Variants in UBXN2A observed in about 807,000 individuals in gnomAD.
UBXN2A encodes UBX domain protein 2A.
In UBXN2A, 28 loss-of-function variants were observed where a neutral mutation model predicts 28.4. That is an observed-to-expected ratio of 0.99 (90% confidence interval 0.73 to 1.35). The LOEUF (loss-of-function observed/expected upper bound fraction) is 1.35, where lower values mean the gene tolerates loss of function less well. Among genes scored for constraint, UBXN2A ranks in the 40% most tolerant of loss-of-function variants. The pLI is 0.00. For synonymous variants in UBXN2A, 97 were observed against 103.6 expected, an observed-to-expected ratio of 0.94 and a Z score of 0.39; for missense variants, 253 against 297.9, an observed-to-expected ratio of 0.85 and a Z score of 1.11.
chr2:23,968,344 A>G (rs894081673), intron 2 of UBXN2A, among the ~76,000 whole-genome samples: 6 of 152,192 alleles, frequency 3.9e-5, no homozygotes, highest in African/African-American at 1.2e-4. Flanking sequence ...GGTTAGGATC[A>G]CAGACTTGGG....
At chr2:23,972,193 A>T (rs1707450411) in intron 3 of UBXN2A, among the ~76,000 whole-genome samples, 1 of 152,230 alleles carries the variant, frequency 6.6e-6, no homozygotes, top group East Asian at 1.9e-4. Flanking sequence ...ACACCTTAGC[A>T]GGAATCAAGG....
intron 2 of UBXN2A, among the ~76,000 whole-genome samples, chr2:23,963,844 A>T (rs2150848668): frequency 6.6e-6 from 1 of 152,320 alleles, no homozygotes; most frequent in Non-Finnish European, 1.5e-5. Flanking sequence ...AGAATCTTGA[A>T]GAGACTGGGT....
chr2:23,992,945 T>A (rs1367907775), intron 6 of UBXN2A, among the ~76,000 whole-genome samples: 2 of 152,216 alleles, frequency 1.3e-5, no homozygotes, highest in Non-Finnish European at 2.9e-5. Context: ...TTTGTGGGGT[T>A]TTTTCCTCCT....
intron 3 of UBXN2A, among the ~76,000 whole-genome samples, chr2:23,972,753 C>T (rs1195078001): frequency 3.3e-5 from 5 of 151,784 alleles, no homozygotes; most frequent in Non-Finnish European, 5.9e-5. Context: ...ACCTGGGAGG[C>T]GGAGGTTGCA....
chr2:24,004,902 T>C lies in UBXN2A; in HGVS notation c.*5035T>C, dbSNP rs1254204441. On this transcript the variant is annotated 3_prime_UTR_variant, in exon 7 of 7. Transcript: ENST00000309033. ...AAATACTGTTCATTAAAAGGATCTGTGAAATCATTTACCCTTGTTATAAAA... is the reference window on the plus strand; with the variant it reads ...AAATACTGTTCATTAAAAGGATCTGCGAAATCATTTACCCTTGTTATAAAA... 3 of 152,246 alleles carry C rather than the reference T, an allele frequency of 2.0e-5. No individual in the cohort carries two copies. The highest frequency in any genetic ancestry group is 7.2e-5 in the African/African-American group (3 of 41,476). The allele number at this position is 152,246 out of a possible 1,614,324, so 9.4% of individuals were successfully genotyped here.
intron 1 of UBXN2A, among the ~76,000 whole-genome samples, chr2:23,949,634 G>A (rs1706265489): frequency 6.6e-6 from 1 of 151,992 alleles, no homozygotes; most frequent in Admixed American, 6.6e-5. Flanking sequence ...TAGCACTTTG[G>A]GAGGCCAAGG....
intron 1 of UBXN2A, among the ~76,000 whole-genome samples, chr2:23,930,879 AAAG>A (rs1705345998): frequency 6.6e-6 from 1 of 152,108 alleles, no homozygotes; most frequent in Non-Finnish European, 1.5e-5. Context: ...ATTTAAAAAA[AAAG>A]GAGGCCAGGC....
chr2:23,931,875 A>G (rs1705378713), intron 1 of UBXN2A, among the ~76,000 whole-genome samples: 1 of 151,714 alleles, frequency 6.6e-6, no homozygotes, highest in African/African-American at 2.4e-5. Context: ...GCCAGGCGTG[A>G]TGGCAGGCGA....
intron 3 of UBXN2A, 44 bp from the exon 4 acceptor site, chr2:23,976,925 A>T (rs368324097): frequency 2.6e-6 from 4 of 1,514,280 alleles, no homozygotes; most frequent in Admixed American, 1.7e-5. Flanking sequence ...CAATCCTACT[A>T]CATTTTATTA....
intron 2 of UBXN2A, among the ~76,000 whole-genome samples, chr2:23,965,963 T>C (rs1292425852): frequency 6.6e-6 from 1 of 152,120 alleles, no homozygotes; most frequent in African/African-American, 2.4e-5. Context: ...AATAAATTGG[T>C]TCATTTCATC....
chr2:23,948,081 C>G (rs908634023), intron 1 of UBXN2A, among the ~76,000 whole-genome samples: 1 of 151,906 alleles, frequency 6.6e-6, no homozygotes, highest in Non-Finnish European at 1.5e-5. Flanking sequence ...TCTAGAACTC[C>G]TGGCCTGAGG....
intron 1 of UBXN2A, chr2:23,944,290 A>G: frequency 1.2e-6 from 2 of 1,605,052 alleles, no homozygotes; most frequent in Non-Finnish European, 1.7e-6. Flanking sequence ...CCCCAGCTAT[A>G]CCAGTCTGGA....
chr2:23,986,709 G>C (rs1051475174), intron 6 of UBXN2A, among the ~76,000 whole-genome samples: 5 of 151,586 alleles, frequency 3.3e-5, no homozygotes, highest in African/African-American at 1.2e-4. Context: ...CCGGGTTCAA[G>C]CGATTCTCCT....
intron 6 of UBXN2A, among the ~76,000 whole-genome samples, chr2:23,990,752 T>C (rs1382653044): frequency 1.3e-5 from 2 of 148,534 alleles, no homozygotes; most frequent in Non-Finnish European, 3.0e-5. Flanking sequence ...CCAGCCTGGG[T>C]GACAGAGTGA....
At chr2:23,968,609 C>T (rs1707270132) in intron 2 of UBXN2A, among the ~76,000 whole-genome samples, 2 of 150,386 alleles carry the variant, frequency 1.3e-5, no homozygotes, top group African/African-American at 4.9e-5. Context: ...GGAGGTGGAG[C>T]TTGCAGTGAG....
rs574344687 is a variant in UBXN2A at position 23,989,373 on chromosome 2, A to G, written c.584+4542A>G. 2.7e-5 allele frequency among the ~76,000 whole-genome samples: 4 copies of G among 150,078 alleles called. No individual in the cohort carries two copies. In the East Asian group the frequency reaches 6.0e-4, roughly 23 times the overall value. On this transcript the variant is annotated intron_variant, in intron 6 of 6. Transcript: ENST00000309033. ...GGTTGGAGTGTAGTGGTATAATTAC[A>G]GATCACTGCAGCCTCCACCTCCCCA...
chr2:23,968,088 C>G (rs1191394357), intron 2 of UBXN2A, among the ~76,000 whole-genome samples: 2 of 152,060 alleles, frequency 1.3e-5, no homozygotes, highest in Non-Finnish European at 2.9e-5. Flanking sequence ...ACCACCACGC[C>G]AAGGCTCAGT....
intron 6 of UBXN2A, among the ~76,000 whole-genome samples, chr2:23,991,803 G>GT (rs923415071): frequency 3.4e-5 from 5 of 145,180 alleles, no homozygotes; most frequent in African/African-American, 5.1e-5. Flanking sequence ...GTTTTGTTTT[G>GT]TTTTTTTGAG....
chr2:23,944,934 GC>G (rs1214780756), intron 1 of UBXN2A, among the ~76,000 whole-genome samples: 2 of 152,042 alleles, frequency 1.3e-5, no homozygotes, highest in Non-Finnish European at 2.9e-5. Flanking sequence ...AAAATATATA[GC>G]TTTTGACCCA....
Sources: allele counts gnomAD v4.1 joint callset (sites outside exome capture counted in the v4.1 genomes callset), GRCh38; gene constraint gnomAD v4.1.1; transcripts MANE v1.5; gene names NCBI Gene and HGNC (gene_info 2026-07-23, HGNC 2026-07-21).